Variants in SH3PXD2B observed in about 807,000 individuals in gnomAD.
The protein encoded by SH3PXD2B is SH3 and PX domains 2B.
Under a neutral mutation model 73.1 loss-of-function variants are expected in SH3PXD2B, and 37 were observed. The ratio of observed to expected loss-of-function variants is 0.51; its 90% CI spans 0.39 to 0.67. The LOEUF (loss-of-function observed/expected upper bound fraction) is 0.67. Among genes scored for constraint, SH3PXD2B ranks in the 30% least tolerant of loss-of-function variants. The pLI, the probability that SH3PXD2B is intolerant of heterozygous loss-of-function variation, is 0.00. For synonymous variants in SH3PXD2B, 457 were observed against 480.5 expected, an observed-to-expected ratio of 0.95 and a Z score of 0.64; for missense variants, 1,053 against 1,197.8, an observed-to-expected ratio of 0.88 and a Z score of 1.78.
At chr5:172,328,936 G>GT (rs1195093755), downstream of SH3PXD2B, among the ~76,000 whole-genome samples, 4 of 151,470 alleles carry the variant, frequency 2.6e-5, no homozygotes, top group African/African-American at 9.7e-5. Context: ...AGTTTCCCAC[G>GT]TAACAATATT....
intron 2 of SH3PXD2B, among the ~76,000 whole-genome samples, chr5:172,406,636 G>A (rs931449720): frequency 2.0e-5 from 3 of 152,046 alleles, no homozygotes; most frequent in Non-Finnish European, 4.4e-5. Flanking sequence ...GATCTGAAAC[G>A]TGAACAACAC....
chr5:172,433,200 C>T (rs1759294709), intron 1 of SH3PXD2B, among the ~76,000 whole-genome samples: 1 of 152,092 alleles, frequency 6.6e-6, no homozygotes. Flanking sequence ...AGGTTTGTAG[C>T]CCAGGAGCCG....
At chr5:172,402,111 C>G (rs549783051) in intron 3 of SH3PXD2B, among the ~76,000 whole-genome samples, 1 of 152,280 alleles carries the variant, frequency 6.6e-6, no homozygotes, top group Admixed American at 6.5e-5. Context: ...CAGCAAGGAA[C>G]AGCCCTGAGA....
chr5:172,433,482 C>T lies in SH3PXD2B; in HGVS notation c.76-10986G>A, dbSNP rs115891891. Among the ~76,000 whole-genome samples, 863 of 152,260 alleles carry T rather than the reference C, an allele frequency of 5.7e-3. 11 individuals are homozygous for T. The highest frequency in any genetic ancestry group is 0.02 in the African/African-American group (827 of 41,544). On this transcript the variant is annotated intron_variant, in intron 1 of 12. Coordinates refer to ENST00000311601, the MANE Select transcript of SH3PXD2B (RefSeq NM_001017995.3). ...CTTTTACAATCAGAAAAAAAGATGT[C>T]GCTTTCTAGGAGCACTGAAAGAAAC...
chr5:172,402,869 C>T (rs908136233), intron 3 of SH3PXD2B, among the ~76,000 whole-genome samples: 2 of 152,272 alleles, frequency 1.3e-5, no homozygotes, highest in African/African-American at 4.8e-5. Flanking sequence ...TCAGAGTGCA[C>T]GTTCTTTCCT....
intron 5 of SH3PXD2B, among the ~76,000 whole-genome samples, chr5:172,380,360 T>A (rs1439936679): frequency 1.3e-5 from 2 of 152,142 alleles, no homozygotes; most frequent in East Asian, 3.9e-4. Flanking sequence ...TGACAGTTTT[T>A]ATTGGGCAGT....
At chr5:172,390,791 T>C (rs1433059811) in intron 4 of SH3PXD2B, among the ~76,000 whole-genome samples, 1 of 151,402 alleles carries the variant, frequency 6.6e-6, no homozygotes, top group East Asian at 1.9e-4. Flanking sequence ...TGCCAAACTG[T>C]CTTCCAAAGT....
At chr5:172,363,286 A>T (rs767447478) in intron 6 of SH3PXD2B, among the ~76,000 whole-genome samples, 3 of 152,092 alleles carry the variant, frequency 2.0e-5, no homozygotes, top group Non-Finnish European at 2.9e-5. Flanking sequence ...AAACACCATC[A>T]TCCATCAACC....
chr5:172,383,150 T>G lies in SH3PXD2B; in HGVS notation c.310-1023A>C, dbSNP rs531501063. Among the ~76,000 whole-genome samples, 4 of 152,352 alleles carry G rather than the reference T, an allele frequency of 2.6e-5. No individual in the cohort carries two copies. In the South Asian group the frequency reaches 8.3e-4, roughly 32 times the overall value. On this transcript the variant is annotated intron_variant, in intron 4 of 12. Transcript: ENST00000311601. ...GTGAATCTTTAGGTTATTTCCAACA[T>G]GCTCACATATATGTCTTAACTCACG... is the stretch of plus-strand genomic sequence containing the variant.
At chr5:172,378,378 A>G (rs2113364255) in intron 5 of SH3PXD2B, among the ~76,000 whole-genome samples, 1 of 152,296 alleles carries the variant, frequency 6.6e-6, no homozygotes, top group South Asian at 2.1e-4. Context: ...CTGCACAAAT[A>G]AGGACCTCCT....
intron 1 of SH3PXD2B, among the ~76,000 whole-genome samples, chr5:172,427,764 G>A (rs1259098042): frequency 6.6e-6 from 1 of 151,466 alleles, no homozygotes; most frequent in Non-Finnish European, 1.5e-5. Flanking sequence ...GTTTTATGTT[G>A]TGTGTGTTAC....
Position 172,338,807 on chromosome 5 carries a change from C to T in SH3PXD2B, c.2298G>A (p.Lys766=). Residue 766 remains lysine, a synonymous_variant, in exon 13 of 13, where the codon AAG becomes AAA. Transcript: ENST00000311601. This position sits in a 1 kb window ranked among gnomAD's most constrained non-coding sequence, Gnocchi z 5.1. ...VVPPRRPPPP[K]KTSSSSRPLP... is the part of the protein sequence containing the mutation. ...GCGGCCTGGATGACGAAGAGGTTTT[C>T]TTTGGGGGAGGTGGTCTGCGGGGTG... 3 of 1,614,130 alleles carry T rather than the reference C, an allele frequency of 1.9e-6. No individual in the cohort carries two copies. The highest frequency in any genetic ancestry group is 2.5e-6 in the Non-Finnish European group (3 of 1,179,992).
intron 3 of SH3PXD2B, among the ~76,000 whole-genome samples, chr5:172,401,864 A>G (rs1442455586): frequency 6.6e-6 from 1 of 152,142 alleles, no homozygotes; most frequent in Non-Finnish European, 1.5e-5. Flanking sequence ...TAACCCCATC[A>G]TCTTCGTAAG....
chr5:172,427,197 T>C (rs561386532), intron 1 of SH3PXD2B, among the ~76,000 whole-genome samples: 1 of 152,354 alleles, frequency 6.6e-6, no homozygotes, highest in South Asian at 2.1e-4. Context: ...TGCTACCCTA[T>C]GAATGAACCT....
intron 4 of SH3PXD2B, among the ~76,000 whole-genome samples, chr5:172,382,410 G>A (rs942546382): frequency 2.6e-5 from 4 of 152,068 alleles, no homozygotes; most frequent in African/African-American, 9.7e-5. Flanking sequence ...TCTCAGACTC[G>A]GGAAGGCACC....
Position 172,354,013 on chromosome 5 carries a change from G to A in SH3PXD2B, c.668-8C>T, listed in dbSNP as rs1757218011. On this transcript the variant is annotated splice_polypyrimidine_tract_variant and splice_region_variant and intron_variant, in intron 8 of 12. Coordinates refer to ENST00000311601, the MANE Select transcript of SH3PXD2B (RefSeq NM_001017995.3). ...TGACTGTGTACTTCTCCTCTGTGGG[G>A]ACAAAAGGAAGCTGGGGTCAGAAGA... 3 of 1,612,966 alleles carry A rather than the reference G, an allele frequency of 1.9e-6. No individual in the cohort carries two copies. Among genetic ancestry groups the A allele is most frequent in the Non-Finnish European group, 2.5e-6 (3 of 1,179,010 alleles).
intron 3 of SH3PXD2B, among the ~76,000 whole-genome samples, chr5:172,402,193 T>C (rs1013825994): frequency 2.0e-5 from 3 of 152,174 alleles, no homozygotes; most frequent in Non-Finnish European, 2.9e-5. Flanking sequence ...TATGGTTGTA[T>C]GTAAGGGATG....
downstream of SH3PXD2B, among the ~76,000 whole-genome samples, chr5:172,333,004 C>T (rs1463370590): frequency 4.6e-5 from 7 of 150,542 alleles, no homozygotes; most frequent in African/African-American, 1.2e-4. Flanking sequence ...GACGTGATGT[C>T]GACTCACTGC....
At chr5:172,413,455 T>C (rs1758749363) in intron 2 of SH3PXD2B, among the ~76,000 whole-genome samples, 1 of 152,238 alleles carries the variant, frequency 6.6e-6, no homozygotes, top group Non-Finnish European at 1.5e-5. Context: ...TTACTACTGT[T>C]GGCCCTCTCT....
Sources: allele counts gnomAD v4.1 joint callset (sites outside exome capture counted in the v4.1 genomes callset), GRCh38; gene constraint gnomAD v4.1.1; non-coding constraint Gnocchi (gnomAD v3.1); transcripts MANE v1.5; gene names NCBI Gene and HGNC (gene_info 2026-07-23, HGNC 2026-07-21).